The following PPM1H variants were observed in gnomAD, a reference collection of about 807,000 sequenced individuals.
The protein encoded by PPM1H is protein phosphatase, Mg2+/Mn2+ dependent 1H.
A neutral mutation model predicts 54.9 loss-of-function variants in PPM1H; 27 were observed. The ratio of observed to expected loss-of-function variants is 0.49; its 90% confidence interval spans 0.36 to 0.68. PPM1H has a LOEUF of 0.68. Among genes scored for constraint, PPM1H ranks in the 30% least tolerant of loss-of-function variants. The probability of loss-of-function intolerance (pLI) is 0.00; values close to 1 mark genes in which losing one functional copy is unlikely to be tolerated. For synonymous variants in PPM1H, 305 were observed against 270.8 expected, an observed-to-expected ratio of 1.13 and a Z score of -1.24; for missense variants, 596 against 667.8, an observed-to-expected ratio of 0.89 and a Z score of 1.19.
chr12:62,889,317 T>C (rs1364350515), intron 1 of PPM1H, among the ~76,000 whole-genome samples: 1 of 151,956 alleles, frequency 6.6e-6, no homozygotes, highest in Non-Finnish European at 1.5e-5. Flanking sequence ...ATCAATACAA[T>C]ACTGAAGGAA....
chr12:62,701,350 C>T (rs74098810), intron 6 of PPM1H, among the ~76,000 whole-genome samples: 1,559 of 152,272 alleles, frequency 0.01, 26 homozygotes, highest in African/African-American at 0.036. Context: ...ATTTGAGATG[C>T]CCATGCAGCC....
intron 1 of PPM1H, among the ~76,000 whole-genome samples, chr12:62,843,087 C>T (rs929743325): frequency 2.0e-5 from 3 of 152,014 alleles, no homozygotes; most frequent in South Asian, 2.1e-4. Flanking sequence ...AGGCTGAGGC[C>T]GGCGGATTGC....
At chr12:62,787,640 T>G (rs1165985341) in intron 4 of PPM1H, among the ~76,000 whole-genome samples, 1 of 152,186 alleles carries the variant, frequency 6.6e-6, no homozygotes. Flanking sequence ...GGCAACATAG[T>G]GAGACCCTGT....
At chr12:62,732,488 C>A (rs961477968) in intron 5 of PPM1H, among the ~76,000 whole-genome samples, 4 of 152,170 alleles carry the variant, frequency 2.6e-5, no homozygotes, top group Admixed American at 6.5e-5. Flanking sequence ...AAAGCATTTA[C>A]CATTTCTACA....
At chr12:62,676,521 C>T (rs375458343) in intron 8 of PPM1H, among the ~76,000 whole-genome samples, 1 of 152,166 alleles carries the variant, frequency 6.6e-6, no homozygotes, top group South Asian at 2.1e-4. Context: ...TGGAAGTCCC[C>T]CTGCCCCTGC....
At chr12:62,791,772 A>G (rs906611655) in intron 3 of PPM1H, among the ~76,000 whole-genome samples, 3 of 152,072 alleles carry the variant, frequency 2.0e-5, no homozygotes, top group African/African-American at 7.2e-5. Flanking sequence ...AATACAAAAA[A>G]AGTTAGCTGG....
rs1007334721 is a variant in PPM1H at position 62,889,368 on chromosome 12, C to T, written c.245+45124G>A. ...GGGCTGACACTACCTGACTTCAAGA[C>T]TTATAGCTGGGCACTGTGGTGTGTA... On this transcript the variant is annotated intron_variant, in intron 1 of 9. Coordinates refer to ENST00000228705, the MANE Select transcript of PPM1H (RefSeq NM_020700.2). 2.0e-5 allele frequency among the ~76,000 whole-genome samples: 3 copies of T among 152,130 alleles called. No homozygotes were observed. The South Asian group carries it at 6.2e-4, about 31-fold the overall frequency.
chr12:62,751,893 T>C (rs1053959366), intron 4 of PPM1H, among the ~76,000 whole-genome samples: 1 of 152,220 alleles, frequency 6.6e-6, no homozygotes, highest in African/African-American at 2.4e-5. Context: ...CTGTGGTTCA[T>C]GGTTAGGTTA....
chr12:62,917,529 G>A (rs1871662125), intron 1 of PPM1H, among the ~76,000 whole-genome samples: 1 of 152,168 alleles, frequency 6.6e-6, no homozygotes. Flanking sequence ...AAAGTGGAAG[G>A]AAAAGCTTGT....
At chr12:62,894,536 T>G (rs1478684900) in intron 1 of PPM1H, among the ~76,000 whole-genome samples, 1 of 152,196 alleles carries the variant, frequency 6.6e-6, no homozygotes, top group Non-Finnish European at 1.5e-5. Flanking sequence ...TTAGCTTTGG[T>G]AAGATACTTA....
chr12:62,824,613 T>C (rs1327466643), intron 2 of PPM1H, among the ~76,000 whole-genome samples: 2 of 152,196 alleles, frequency 1.3e-5, no homozygotes, highest in African/African-American at 2.4e-5. Flanking sequence ...TACAACCATC[T>C]GATCTTTGAC....
At chr12:62,932,870 C>A (rs912206013) in intron 1 of PPM1H, among the ~76,000 whole-genome samples, 16 of 151,522 alleles carry the variant, frequency 1.1e-4, no homozygotes, top group Admixed American at 8.5e-4. Flanking sequence ...CCTGACCTCA[C>A]GTGATCCGCC....
chr12:62,756,583 A>G (rs73314533), intron 4 of PPM1H, among the ~76,000 whole-genome samples: 4,184 of 152,266 alleles, frequency 0.027, 203 homozygotes, highest in African/African-American at 0.095. Context: ...GAGAGTCATC[A>G]TCTACAAAGA....
Position 62,717,338 on chromosome 12 carries a change from C to T in PPM1H, c.1073+2833G>A, listed in dbSNP as rs961845911. Among the ~76,000 whole-genome samples the T allele has an allele frequency of 5.9e-5, 9 of 152,194 alleles. No individual in the cohort carries two copies. In the East Asian group the frequency reaches 1.7e-3, roughly 29 times the overall value. The stretch of plus-strand genomic sequence containing the variant: ...AAACAAATCAGCAAATCACATCTGA[C>T]TAAAGCCATTCTCAGTTGTGGCTCC... On this transcript the variant is annotated intron_variant, in intron 6 of 9. Transcript: ENST00000228705.
At chr12:62,800,588 C>T (rs2076762091) in intron 3 of PPM1H, among the ~76,000 whole-genome samples, 2 of 152,178 alleles carry the variant, frequency 1.3e-5, no homozygotes, top group South Asian at 4.1e-4. Flanking sequence ...CCACCCACCT[C>T]GACCTCCCAA....
chr12:62,742,697 A>G (rs866531561), intron 4 of PPM1H, among the ~76,000 whole-genome samples: 3 of 152,344 alleles, frequency 2.0e-5, no homozygotes, highest in South Asian at 4.1e-4. Context: ...AGCTACGTAT[A>G]CACTCTGACC....
intron 4 of PPM1H, among the ~76,000 whole-genome samples, chr12:62,766,854 C>A (rs918303557): frequency 6.6e-6 from 1 of 152,162 alleles, no homozygotes; most frequent in Non-Finnish European, 1.5e-5. Context: ...TAGAAGGGTG[C>A]GAGGAATAGA....
At chr12:62,815,387 A>G (rs538409161) in intron 2 of PPM1H, among the ~76,000 whole-genome samples, 7 of 152,218 alleles carry the variant, frequency 4.6e-5, no homozygotes, top group Non-Finnish European at 8.8e-5. Context: ...TTTTGTTTTT[A>G]AATGGCAATT....
At chr12:62,800,304 T>A (rs1436671548) in intron 3 of PPM1H, among the ~76,000 whole-genome samples, 2 of 151,720 alleles carry the variant, frequency 1.3e-5, no homozygotes, top group African/African-American at 4.9e-5. Context: ...TAACAGCTTC[T>A]CATCACTTTG....
Sources: allele counts gnomAD v4.1 joint callset (sites outside exome capture counted in the v4.1 genomes callset), GRCh38; gene constraint gnomAD v4.1.1; transcripts MANE v1.5; gene names NCBI Gene and HGNC (gene_info 2026-07-23, HGNC 2026-07-21).